JAK2: variants seen among roughly 807,000 people sequenced by gnomAD.
The protein encoded by JAK2 is Janus kinase 2.
JAK2 carries 86 observed loss-of-function variants against 139.3 expected under a neutral mutation model. The observed-to-expected ratio is 0.62, with a 90% CI of 0.52 to 0.74. The LOEUF is 0.74. Among genes scored for constraint, JAK2 ranks in the 30% least tolerant of loss-of-function variants. The pLI is 0.00. For missense variants in JAK2, 1,421 were observed against 1,360.3 expected (o/e 1.04, Z -0.70); for synonymous variants, 490 against 437.7 (o/e 1.12, Z -1.49).
chr9:5,068,562 G>T (rs1048758022), intron 10 of JAK2, among the ~76,000 whole-genome samples: 1 of 152,272 alleles, frequency 6.6e-6, no homozygotes, highest in East Asian at 1.9e-4. Context: ...AAGATAGCAT[G>T]AAGAATTATC....
intron 14 of JAK2, among the ~76,000 whole-genome samples, chr9:5,075,701 G>T (rs1164432209): frequency 6.6e-6 from 1 of 152,198 alleles, no homozygotes; most frequent in Non-Finnish European, 1.5e-5. Context: ...GGATATTCAT[G>T]TTATTTTCAG....
At chr9:5,108,324 C>T (rs1368475630) in intron 22 of JAK2, 3 of 152,004 alleles carry the variant, frequency 2.0e-5, no homozygotes, top group African/African-American at 7.3e-5. Context: ...TATTATCACC[C>T]GCTGAGGGAA....
chr9:4,995,445 T>C (rs1040792650), intron 2 of JAK2, among the ~76,000 whole-genome samples: 1 of 152,262 alleles, frequency 6.6e-6, no homozygotes, highest in African/African-American at 2.4e-5. Flanking sequence ...TGATGCAAGA[T>C]ATAAGATGGG....
At chr9:5,064,219 A>G (rs1280799575) in intron 8 of JAK2, among the ~76,000 whole-genome samples, 1 of 152,170 alleles carries the variant, frequency 6.6e-6, no homozygotes, top group Non-Finnish European at 1.5e-5. Flanking sequence ...TGTAGCATGA[A>G]TACTTTAGCA....
chr9:5,068,588 A>G (rs1818729654), intron 10 of JAK2, among the ~76,000 whole-genome samples: 1 of 152,242 alleles, frequency 6.6e-6, no homozygotes, highest in African/African-American at 2.4e-5. Flanking sequence ...ATGAAGCAGC[A>G]TGGCATTTGC....
intron 19 of JAK2, chr9:5,086,024 T>C: frequency 1.3e-6 from 1 of 793,256 alleles, no homozygotes; most frequent in Non-Finnish European, 2.3e-6. Flanking sequence ...TATATACATT[T>C]GGACAGGCAG....
chr9:5,110,676 C>T (rs1473052272), intron 22 of JAK2: 4 of 314,748 alleles, frequency 1.3e-5, no homozygotes, highest in East Asian at 8.2e-5. Context: ...CATATACCAA[C>T]GCCTGAGCCC....
intron 3 of JAK2, among the ~76,000 whole-genome samples, chr9:5,028,893 T>A (rs1222840122): frequency 6.6e-6 from 1 of 152,230 alleles, no homozygotes; most frequent in East Asian, 1.9e-4. Context: ...ATCTTCTATC[T>A]AGACCACTCA....
chr9:5,114,983 C>G (rs1823015234), intron 22 of JAK2, among the ~76,000 whole-genome samples: 1 of 152,138 alleles, frequency 6.6e-6, no homozygotes. Flanking sequence ...AAAACCTAGG[C>G]AATACCATTC....
intron 19 of JAK2, 141 bp from the exon 20 acceptor site, chr9:5,089,533 G>T (rs1392786925): frequency 1.7e-5 from 5 of 302,272 alleles, no homozygotes; most frequent in Admixed American, 1.9e-4. Flanking sequence ...GCGAGACTTC[G>T]TCTCAAAAAA....
intron 22 of JAK2, chr9:5,112,589 G>T: frequency 1.4e-6 from 1 of 727,850 alleles, no homozygotes; most frequent in East Asian, 2.9e-5. Flanking sequence ...CCTTAAGAGG[G>T]CTCTTAAGGA....
chr9:5,111,050 G>C, intron 22 of JAK2: 1 of 1,016,814 alleles, frequency 9.8e-7, no homozygotes, highest in East Asian at 3.0e-5. Context: ...CAATTCAGAG[G>C]TTCAGGTCTT....
chr9:5,127,316 T>A lies in JAK2; in HGVS notation c.*525T>A, dbSNP rs550137221. On this transcript the variant is annotated 3_prime_UTR_variant, in exon 25 of 25. Coordinates refer to ENST00000381652, the MANE Select transcript of JAK2 (RefSeq NM_004972.4). ...AAACAAATTAAGATGTTCAGATAATTGAATAAGTACCTTTGTGTCCTTGTT... is the reference window on the plus strand; with the variant it reads ...AAACAAATTAAGATGTTCAGATAATAGAATAAGTACCTTTGTGTCCTTGTT... 8 of 232,330 alleles carry A rather than the reference T, an allele frequency of 3.4e-5. No homozygotes were observed. Among genetic ancestry groups the A allele is most frequent in the African/African-American group, 1.8e-4 (8 of 45,398 alleles). 14.4% of individuals were successfully genotyped at this position (232,330 alleles called of 1,614,324 possible).
chr9:5,028,446 A>T (rs1298550468), intron 3 of JAK2, among the ~76,000 whole-genome samples: 2 of 152,170 alleles, frequency 1.3e-5, no homozygotes, highest in African/African-American at 4.8e-5. Flanking sequence ...ATGGCCATAG[A>T]TTTTCAGAAT....
At chr9:5,118,695 G>T (rs1823387949) in intron 22 of JAK2, among the ~76,000 whole-genome samples, 1 of 152,168 alleles carries the variant, frequency 6.6e-6, no homozygotes, top group Admixed American at 6.5e-5. Context: ...TAAGTGAGTG[G>T]ACAGGAATGG....
intron 8 of JAK2, among the ~76,000 whole-genome samples, chr9:5,058,331 AG>A (rs1817913330): frequency 1.3e-5 from 2 of 152,224 alleles, no homozygotes; most frequent in Admixed American, 1.3e-4. Flanking sequence ...TCATGGCAGA[AG>A]GTGAAGGGCA....
At chr9:4,985,021 C>G (rs577666147), upstream of JAK2, 2 of 152,426 alleles carry the variant, frequency 1.3e-5, no homozygotes, top group Admixed American at 1.3e-4. Context: ...CACCGAGCGG[C>G]GCACGCGCAC....
chr9:5,061,477 C>T (rs1818165529), intron 8 of JAK2, among the ~76,000 whole-genome samples: 1 of 152,224 alleles, frequency 6.6e-6, no homozygotes, highest in Non-Finnish European at 1.5e-5. Context: ...TTATGCTGTG[C>T]ACATGGCTTC....
chr9:5,009,215 C>T (rs79053810), intron 2 of JAK2, among the ~76,000 whole-genome samples: 12,821 of 152,160 alleles, frequency 0.084, 1,579 homozygotes, highest in African/African-American at 0.28. Flanking sequence ...AGGTGTTAAA[C>T]ACCTGTGGGA....
Sources: gnomAD v4.1 joint callset for allele counts (sites outside exome capture counted in the v4.1 genomes callset) on GRCh38, gnomAD v4.1.1 for gene constraint, MANE v1.5 for transcripts, NCBI Gene and HGNC (gene_info 2026-07-23, HGNC 2026-07-21) for gene names.